The following CTNNA2 variants were observed in gnomAD, a reference collection of about 807,000 sequenced individuals.
CTNNA2 encodes the protein catenin alpha-2.
A neutral mutation model predicts 101.0 loss-of-function variants in CTNNA2; 42 were observed. The observed-to-expected ratio is 0.42, with a 90% CI of 0.32 to 0.54. CTNNA2 has a LOEUF of 0.54. Ranked by LOEUF, CTNNA2 falls within the 20% of genes least tolerant of loss-of-function variation. The pLI is 0.14. For missense variants in CTNNA2, 871 were observed against 1,223.1 expected (o/e 0.71, Z 4.29); for synonymous variants, 450 against 456.4 (o/e 0.99, Z 0.18).
intron 7 of CTNNA2, among the ~76,000 whole-genome samples, chr2:80,196,416 C>A (rs914950487): frequency 7.2e-5 from 11 of 152,190 alleles, no homozygotes; most frequent in Admixed American, 2.0e-4. Context: ...CTTTCAGCGT[C>A]CATGTCCTAC....
At chr2:80,295,822 C>A (rs1675691465) in intron 7 of CTNNA2, among the ~76,000 whole-genome samples, 1 of 152,196 alleles carries the variant, frequency 6.6e-6, no homozygotes, top group Non-Finnish European at 1.5e-5. Flanking sequence ...TTATGATTAA[C>A]CAGAACCAAA....
chr2:80,494,824 G>T (rs900835815), intron 9 of CTNNA2, among the ~76,000 whole-genome samples: 2 of 141,666 alleles, frequency 1.4e-5, no homozygotes, highest in African/African-American at 5.3e-5. Flanking sequence ...GAGGAAACTG[G>T]TGAGGTATTA....
At chr2:80,574,564 T>A (rs1273777098) in intron 13 of CTNNA2, among the ~76,000 whole-genome samples, 1 of 152,168 alleles carries the variant, frequency 6.6e-6, no homozygotes, top group African/African-American at 2.4e-5. Flanking sequence ...CTTCCTCAGT[T>A]TCATACAACC....
At position 79,551,099 on chromosome 2, in the gene CTNNA2, C is replaced by T. The variant is rs79066911; in HGVS notation, c.-6+37892C>T. Among the ~76,000 whole-genome samples the T allele has an allele frequency of 3.2e-3, 482 of 152,202 alleles. 1 individual carries two copies. Among genetic ancestry groups the T allele is most frequent in the African/African-American group, 0.011 (461 of 41,528 alleles). On this transcript the variant is annotated intron_variant, in intron 1 of 18. Transcript: ENST00000402739. ...GTCTGTTTTAATATTTTCTACTATT[C>T]GTCACTATATAGCTGCTGCAAACCA...
intron 3 of CTNNA2, among the ~76,000 whole-genome samples, chr2:79,760,287 ATG>A (rs72350498): frequency 0.012 from 1,786 of 149,576 alleles, 43 homozygotes; most frequent in East Asian, 0.099. Flanking sequence ...TACATATAAA[ATG>A]TGTGTGTGTG....
At chr2:79,233,310 C>A (rs1674519037) in intron 2 of CTNNA2, among the ~76,000 whole-genome samples, 1 of 152,044 alleles carries the variant, frequency 6.6e-6, no homozygotes, top group Admixed American at 6.5e-5. Context: ...TCATTGATTA[C>A]CCCAAAGTTA....
At chr2:79,967,851 T>G (rs1485739186) in intron 7 of CTNNA2, among the ~76,000 whole-genome samples, 1 of 152,182 alleles carries the variant, frequency 6.6e-6, no homozygotes, top group Non-Finnish European at 1.5e-5. Context: ...GATAAAAAAT[T>G]GCGGTAATGT....
intron 7 of CTNNA2, among the ~76,000 whole-genome samples, chr2:80,345,501 C>T (rs1181844544): frequency 6.6e-6 from 1 of 152,146 alleles, no homozygotes; most frequent in Non-Finnish European, 1.5e-5. Context: ...TATCATTTAT[C>T]ATCATCTGGT....
At chr2:79,830,642 C>T (rs538664619) in intron 3 of CTNNA2, among the ~76,000 whole-genome samples, 2 of 152,282 alleles carry the variant, frequency 1.3e-5, no homozygotes, top group East Asian at 3.9e-4. Context: ...AGCAATATGG[C>T]TTCTCGCCTG....
intron 15 of CTNNA2, among the ~76,000 whole-genome samples, chr2:80,602,980 T>A (rs892254842): frequency 6.6e-6 from 1 of 152,108 alleles, no homozygotes; most frequent in African/African-American, 2.4e-5. Context: ...CATTTTGTCT[T>A]CTATTTTATA....
chr2:80,569,016 G>T (rs528391473), intron 12 of CTNNA2, among the ~76,000 whole-genome samples: 16 of 152,254 alleles, frequency 1.1e-4, no homozygotes, highest in South Asian at 8.3e-4. Flanking sequence ...ATACCTGAGG[G>T]TAGCGAGGTT....
intron 7 of CTNNA2, among the ~76,000 whole-genome samples, chr2:80,379,408 T>A (rs997819870): frequency 6.6e-6 from 1 of 152,188 alleles, no homozygotes; most frequent in Non-Finnish European, 1.5e-5. Flanking sequence ...TGTTACAGGG[T>A]ATGCCTAGCC....
chr2:80,546,432 A>G (rs1338207821), intron 11 of CTNNA2, among the ~76,000 whole-genome samples: 1 of 152,196 alleles, frequency 6.6e-6, no homozygotes, highest in East Asian at 1.9e-4. Context: ...ATAGGTGATC[A>G]GTTACTCCAA....
intron 2 of CTNNA2, among the ~76,000 whole-genome samples, chr2:79,308,918 C>G (rs763742240): frequency 6.6e-6 from 1 of 151,184 alleles, no homozygotes; most frequent in Non-Finnish European, 1.5e-5. Flanking sequence ...TTTTTATTTA[C>G]TCTTTCAGAT....
intron 7 of CTNNA2, among the ~76,000 whole-genome samples, chr2:79,930,345 A>G (rs903251839): frequency 8.6e-6 from 1 of 116,012 alleles, no homozygotes; most frequent in African/African-American, 3.0e-5. Flanking sequence ...AGAAAGAAAG[A>G]AAGAAAGAAA....
chr2:79,369,657 G>C (rs1558649295), intron 3 of CTNNA2, among the ~76,000 whole-genome samples: 1 of 152,144 alleles, frequency 6.6e-6, no homozygotes, highest in Non-Finnish European at 1.5e-5. Flanking sequence ...ACTCCTTGAA[G>C]AGCAACTTCT....
intron 4 of CTNNA2, among the ~76,000 whole-genome samples, chr2:79,458,579 C>T (rs949435745): frequency 6.6e-6 from 1 of 152,120 alleles, no homozygotes; most frequent in Non-Finnish European, 1.5e-5. Flanking sequence ...TTCACCCTAG[C>T]ACGAGCCCAT....
intron 7 of CTNNA2, among the ~76,000 whole-genome samples, chr2:80,102,326 A>G (rs1021631381): frequency 6.6e-6 from 1 of 152,134 alleles, no homozygotes; most frequent in Non-Finnish European, 1.5e-5. Flanking sequence ...CTTGTCCCAT[A>G]TGCTGCTGCC....
intron 2 of CTNNA2, among the ~76,000 whole-genome samples, chr2:79,722,667 T>C (rs936042666): frequency 6.6e-6 from 1 of 152,174 alleles, no homozygotes; most frequent in Non-Finnish European, 1.5e-5. Flanking sequence ...TTATTACAGT[T>C]TACTTCTTTA....
Sources: gnomAD v4.1 joint callset for allele counts (sites outside exome capture counted in the v4.1 genomes callset) on GRCh38, gnomAD v4.1.1 for gene constraint, MANE v1.5 for transcripts, NCBI Gene and HGNC (gene_info 2026-07-23, HGNC 2026-07-21) for gene names.